Variants in BACH2 observed in about 807,000 individuals in gnomAD.
BACH2 encodes the protein BACH transcriptional regulator 2.
A neutral mutation model predicts 61.8 loss-of-function variants in BACH2; 5 were observed. The ratio of observed to expected loss-of-function variants is 0.08; its 90% CI spans 0.04 to 0.17. The LOEUF is 0.17. BACH2 is among the 10% of genes least tolerant of loss of function. BACH2 has a pLI of 1.00. For synonymous variants in BACH2, 446 were observed against 440.1 expected (o/e 1.01, Z -0.17); for missense variants, 824 against 1,091.1 (o/e 0.76, Z 3.45).
chr6:90,161,142 C>A (rs1394435664), intron 4 of BACH2, among the ~76,000 whole-genome samples: 1 of 150,494 alleles, frequency 6.6e-6, no homozygotes, highest in South Asian at 2.1e-4. Flanking sequence ...CATTACACAG[C>A]CCTTTTACAA....
At chr6:90,163,014 C>T (rs531484898) in intron 4 of BACH2, among the ~76,000 whole-genome samples, 1 of 152,082 alleles carries the variant, frequency 6.6e-6, no homozygotes, top group African/African-American at 2.4e-5. Flanking sequence ...CCTAAGTTCC[C>T]GAAAAGCTTA....
Position 90,204,340 on chromosome 6 carries a change from G to A in BACH2, c.-162+2229C>T, listed in dbSNP as rs541194943. 4.6e-5 allele frequency among the ~76,000 whole-genome samples: 7 copies of A among 152,248 alleles called. No homozygotes were observed. In the South Asian group the frequency reaches 1.2e-3, roughly 27 times the overall value. On this transcript the variant is annotated intron_variant, in intron 4 of 8. Coordinates refer to ENST00000257749, the MANE Select transcript of BACH2 (RefSeq NM_021813.4). ...GCACTCCAACTAACACCATAATTGA[G>A]GAGGAGATTCTCTGGTTTTATTCAT...
At chr6:90,080,706 T>C in intron 5 of BACH2, 1 of 964,826 alleles carries the variant, frequency 1.0e-6, no homozygotes, top group Non-Finnish European at 1.2e-6. Context: ...AACAAAATCA[T>C]CAGAATCATT....
intron 2 of BACH2, among the ~76,000 whole-genome samples, chr6:90,255,125 T>C (rs892592625): frequency 1.3e-5 from 2 of 152,218 alleles, no homozygotes; most frequent in Non-Finnish European, 2.9e-5. Context: ...AAAAAATCGG[T>C]ACAGGCCTTT....
intron 5 of BACH2, among the ~76,000 whole-genome samples, chr6:90,055,097 C>T (rs1443615136): frequency 6.6e-6 from 1 of 152,184 alleles, no homozygotes; most frequent in Non-Finnish European, 1.5e-5. Context: ...CAGCTCCTCA[C>T]CAGCAATGGA....
chr6:90,030,252 A>G (rs1297552759), intron 5 of BACH2, among the ~76,000 whole-genome samples: 1 of 152,124 alleles, frequency 6.6e-6, no homozygotes, highest in Non-Finnish European at 1.5e-5. Context: ...CAGCCAGCAC[A>G]CAGGACCCTC....
chr6:90,119,830 A>G (rs1783551631), intron 4 of BACH2, among the ~76,000 whole-genome samples: 1 of 152,230 alleles, frequency 6.6e-6, no homozygotes, highest in Non-Finnish European at 1.5e-5. Context: ...ACATTTCTAG[A>G]TAATTTTGAA....
At chr6:90,187,980 C>A (rs118160892) in intron 4 of BACH2, among the ~76,000 whole-genome samples, 1 of 152,246 alleles carries the variant, frequency 6.6e-6, no homozygotes, top group African/African-American at 2.4e-5. Flanking sequence ...TCTCACTATG[C>A]GGAAAATCAC....
intron 4 of BACH2, among the ~76,000 whole-genome samples, chr6:90,138,869 T>C (rs866227536): frequency 1.3e-5 from 2 of 152,338 alleles, no homozygotes; most frequent in Non-Finnish European, 1.5e-5. Context: ...TGTATGTATG[T>C]ATTAATTCAC....
At chr6:90,044,236 T>C (rs1421152190) in intron 5 of BACH2, among the ~76,000 whole-genome samples, 3 of 152,282 alleles carry the variant, frequency 2.0e-5, no homozygotes, top group Middle Eastern at 3.4e-3. Flanking sequence ...CTGTTTTAAA[T>C]ACTGCAGTCG....
chr6:90,046,761 G>C (rs1010645002), intron 5 of BACH2, among the ~76,000 whole-genome samples: 1 of 151,392 alleles, frequency 6.6e-6, no homozygotes, highest in African/African-American at 2.4e-5. Context: ...TCAAGTTTAC[G>C]AGCATTCAAA....
At chr6:90,011,497 G>A (rs187878619) in intron 5 of BACH2, among the ~76,000 whole-genome samples, 1 of 151,910 alleles carries the variant, frequency 6.6e-6, no homozygotes, top group East Asian at 1.9e-4. Flanking sequence ...TCTATTTATG[G>A]ACTCTGTCTT....
chr6:89,937,601 C>A (rs1326288273), intron 8 of BACH2, among the ~76,000 whole-genome samples: 2 of 152,192 alleles, frequency 1.3e-5, no homozygotes, highest in African/African-American at 4.8e-5. Flanking sequence ...GTGATCTCCA[C>A]TCACTGCAAC....
At chr6:90,246,643 C>T (rs1275446487) in intron 3 of BACH2, among the ~76,000 whole-genome samples, 3 of 151,896 alleles carry the variant, frequency 2.0e-5, no homozygotes, top group Non-Finnish European at 4.4e-5. Flanking sequence ...AAAATGAGTA[C>T]ATATAAAAAT....
At chr6:89,939,188 A>C (rs999580374) in intron 7 of BACH2, among the ~76,000 whole-genome samples, 1 of 152,186 alleles carries the variant, frequency 6.6e-6, no homozygotes, top group Non-Finnish European at 1.5e-5. Context: ...AGGACATTCA[A>C]GCAGCTCTGT....
chr6:90,160,054 C>T (rs960200801), intron 4 of BACH2, among the ~76,000 whole-genome samples: 2 of 152,188 alleles, frequency 1.3e-5, no homozygotes, highest in Non-Finnish European at 2.9e-5. Context: ...CTAAATTCAA[C>T]ATAAGCTTGC....
At chr6:90,287,535 T>C (rs1389398004) in intron 1 of BACH2, among the ~76,000 whole-genome samples, 2 of 152,238 alleles carry the variant, frequency 1.3e-5, no homozygotes, top group South Asian at 2.1e-4. Flanking sequence ...TAGAGGTTTA[T>C]GTGATCAACT....
chr6:90,285,463 A>T (rs1027120860), intron 1 of BACH2, among the ~76,000 whole-genome samples: 5 of 152,198 alleles, frequency 3.3e-5, no homozygotes, highest in African/African-American at 7.2e-5. Context: ...CTTAGTAGGA[A>T]ATAACAGCAC....
intron 6 of BACH2, among the ~76,000 whole-genome samples, chr6:90,000,529 A>G (rs1777080803): frequency 6.6e-6 from 1 of 152,180 alleles, no homozygotes; most frequent in Non-Finnish European, 1.5e-5. Flanking sequence ...GAATAATAAC[A>G]CCTACTGTTT....
Sources: gnomAD v4.1 joint callset for allele counts (sites outside exome capture counted in the v4.1 genomes callset) on GRCh38, gnomAD v4.1.1 for gene constraint, MANE v1.5 for transcripts, NCBI Gene and HGNC (gene_info 2026-07-23, HGNC 2026-07-21) for gene names.